The following FBXO31 variants were observed in gnomAD, a reference collection of about 807,000 sequenced individuals.
FBXO31 encodes F-box only protein 31.
In FBXO31, 24 loss-of-function variants were observed where a neutral mutation model predicts 54.4. The ratio of observed to expected loss-of-function variants is 0.44; its 90% CI spans 0.32 to 0.62. The LOEUF (loss-of-function observed/expected upper bound fraction) is 0.62. Among genes scored for constraint, FBXO31 ranks in the 20% least tolerant of loss-of-function variants. FBXO31 has a pLI of 0.05. For synonymous variants in FBXO31, 388 were observed against 335.6 expected (o/e 1.16, Z -1.71); for missense variants, 665 against 787.1 (o/e 0.84, Z 1.86).
upstream of FBXO31, among the ~76,000 whole-genome samples, chr16:87,390,700 A>C (rs1241424801): frequency 6.6e-6 from 1 of 152,040 alleles, no homozygotes; most frequent in Non-Finnish European, 1.5e-5. Flanking sequence ...TTGACCTCCC[A>C]AAGTGCTGGA....
chr16:87,383,513 T>C lies in FBXO31; in HGVS notation c.232A>G (p.Ile78Val). The C allele has an allele frequency of 1.9e-6, 3 of 1,585,112 alleles. No homozygotes were observed. Among genetic ancestry groups the C allele is most frequent in the East Asian group, 2.4e-5 (1 of 41,670 alleles). Residue 78 changes from isoleucine (I) to valine (V), a missense_variant, in exon 1 of 9, where the codon ATC becomes GTC. Transcript: ENST00000311635. This position sits in a 1 kb window ranked among gnomAD's most constrained non-coding sequence, Gnocchi z 4.9. ...TCCGTGCCCGGCAGCGACGCGAAGA[T>C]CTCCACCAGCAGCTCGGGCGGCAGC... ...LELPPELLVE[I>V]FASLPGTDLP...
upstream of FBXO31, among the ~76,000 whole-genome samples, chr16:87,390,785 C>T (rs186310678): frequency 4.3e-3 from 649 of 151,872 alleles, 5 homozygotes; most frequent in African/African-American, 0.015. Context: ...TTGTGGAGGA[C>T]GGGGTCTTGC....
At chr16:87,347,069 C>T (rs953111319) in intron 3 of FBXO31, 105 bp downstream of exon 3, 3 of 1,016,996 alleles carry the variant, frequency 2.9e-6, no homozygotes, top group Admixed American at 3.6e-5. Context: ...CTCAAACGCA[C>T]ATCTGGGCCA....
rs1197811390 is a variant in FBXO31 at position 87,335,428 on chromosome 16, A to G, written c.872T>C (p.Leu291Pro). 1.9e-6 allele frequency: 3 copies of G among 1,613,368 alleles called. No individual in the cohort carries two copies. Among genetic ancestry groups the G allele is most frequent in the Non-Finnish European group, 2.5e-6 (3 of 1,179,880 alleles). ...GAGGTCGTCGGGGCGGCTGGGCGGC[A>G]GGTAGATGCGGCGGTAGGTCAGGCA... ...DNCLTYRRIY[L>P]PPSRPDDLIK... The change falls in exon 7 of 9, where the codon CTG becomes CCG. Residue 291 changes from leucine (L) to proline (P), a missense_variant. By Grantham distance (98) the Leu-to-Pro change is moderately conservative. This residue lies in a region of FBXO31 where 234 missense variants were observed against 346.8 expected (regional missense o/e 0.67). Transcript: ENST00000311635. This position sits in a 1 kb window ranked among gnomAD's most constrained non-coding sequence, Gnocchi z 5.7.
intron 1 of FBXO31, among the ~76,000 whole-genome samples, chr16:87,382,997 C>A (rs1401329734): frequency 1.3e-5 from 2 of 152,160 alleles, no homozygotes; most frequent in African/African-American, 4.8e-5. Context: ...CTCGGCTCGC[C>A]TTCAAGACAG....
Position 87,336,013 on chromosome 16 carries a change from C to T in FBXO31, c.842+142G>A, listed in dbSNP as rs1169163402. 5 of 637,840 alleles carry T rather than the reference C, an allele frequency of 7.8e-6. No homozygotes were observed. The highest frequency in any genetic ancestry group is 1.4e-5 in the Non-Finnish European group (5 of 369,030). 39.5% of individuals were successfully genotyped at this position (637,840 alleles called of 1,614,324 possible). ...CACCCAGAGAGAGAGGGGCTGTACT[C>T]CCAGCCCCCAGCAGGAGAGAGGGCT... On this transcript the variant is annotated intron_variant, in intron 6 of 8. Transcript: ENST00000311635. This position sits in a 1 kb window ranked among gnomAD's most constrained non-coding sequence, Gnocchi z 6.5.
rs551065206 is a variant in FBXO31 at position 87,338,588 on chromosome 16, C to A, written c.733-2324G>T. On this transcript the variant is annotated intron_variant, in intron 5 of 8. Transcript: ENST00000311635. This position sits in a 1 kb window ranked among gnomAD's most constrained non-coding sequence, Gnocchi z 4.3. Reference sequence around the variant, plus strand: ...CGAGCGTCCCATTTCTCACAAGGACCCACGGCTGAGGGAACCCACAACCCT... The same window carrying A: ...CGAGCGTCCCATTTCTCACAAGGACACACGGCTGAGGGAACCCACAACCCT... 1.3e-5 allele frequency among the ~76,000 whole-genome samples: 2 copies of A among 152,196 alleles called. No homozygotes were observed. Among genetic ancestry groups the A allele is most frequent in the African/African-American group, 4.8e-5 (2 of 41,442 alleles).
At position 87,329,792 on chromosome 16, in the gene FBXO31, C is replaced by G. The variant is rs987831982; in HGVS notation, c.*1496G>C. The G allele has an allele frequency of 2.0e-5, 3 of 152,262 alleles. No homozygotes were observed. Among genetic ancestry groups the G allele is most frequent in the African/African-American group, 7.2e-5 (3 of 41,470 alleles). 9.4% of individuals were successfully genotyped at this position (152,262 alleles called of 1,614,324 possible). A position where few individuals can be genotyped will look rare whatever the true frequency, so the allele number is the denominator to read the frequency against. On this transcript the variant is annotated 3_prime_UTR_variant, in exon 9 of 9. Transcript: ENST00000311635. ...GGCCGGCCAGATTACCATTTAGGAA[C>G]CTTTGCCAATTCTCTGACTCTGGGA...
intron 2 of FBXO31, among the ~76,000 whole-genome samples, chr16:87,353,157 G>A (rs1046077962): frequency 6.4e-4 from 98 of 152,288 alleles, no homozygotes; most frequent in Non-Finnish European, 9.8e-4. Context: ...CAGCTTCCGA[G>A]GCTGCTGCCC....
chr16:87,341,285 T>A (rs568525267), intron 5 of FBXO31, among the ~76,000 whole-genome samples: 6 of 152,304 alleles, frequency 3.9e-5, no homozygotes, highest in African/African-American at 1.4e-4. Context: ...AGAAATGTAA[T>A]ATGGTTTTCT....
intron 5 of FBXO31, among the ~76,000 whole-genome samples, chr16:87,342,255 A>G (rs1905217868): frequency 6.6e-6 from 1 of 151,244 alleles, no homozygotes; most frequent in African/African-American, 2.4e-5. Context: ...GGGTCTCACT[A>G]TGTTGCCCAG....
intron 5 of FBXO31, 24 bp downstream of exon 5, chr16:87,342,849 TGAAC>T: frequency 6.3e-7 from 1 of 1,579,448 alleles, no homozygotes; most frequent in Non-Finnish European, 8.6e-7. Flanking sequence ...CCGCACCATA[TGAAC>T]ACAGGGCCGG....
At chr16:87,350,742 G>A (rs892929080) in intron 2 of FBXO31, among the ~76,000 whole-genome samples, 1 of 151,884 alleles carries the variant, frequency 6.6e-6, no homozygotes, top group Non-Finnish European at 1.5e-5. Context: ...ACACTATTCA[G>A]CATTGCACTC....
chr16:87,383,865 G>T, upstream of FBXO31: 2 of 733,928 alleles, frequency 2.7e-6, no homozygotes, highest in Non-Finnish European at 3.5e-6. The surrounding 1 kb of genome is among the most constrained non-coding windows in gnomAD (Gnocchi z 4.9). Flanking sequence ...GCCTAGCCCC[G>T]CCCCTACGTA....
At chr16:87,370,333 G>A (rs1185861115) in intron 1 of FBXO31, among the ~76,000 whole-genome samples, 3 of 152,210 alleles carry the variant, frequency 2.0e-5, no homozygotes, top group Admixed American at 1.3e-4. Flanking sequence ...TTCTGTGCAC[G>A]GCACTGGCAC....
chr16:87,333,865 C>A (rs763982737), intron 8 of FBXO31, 21 bp downstream of exon 8: 1 of 1,574,124 alleles, frequency 6.4e-7, no homozygotes, highest in Non-Finnish European at 8.6e-7. Context: ...CTTCAGGCCC[C>A]AGTACCCGCC....
Position 87,360,329 on chromosome 16 carries a change from G to A in FBXO31, c.378C>T (p.Ile126=). The A allele has an allele frequency of 6.2e-7, 1 of 1,614,190 alleles. No individual in the cohort carries two copies. Among genetic ancestry groups the A allele is most frequent in the Middle Eastern group, 1.6e-4 (1 of 6,062 alleles). ...GVCENLRKLE[I]TGVSCRDVYA... ...AGACGTCCCGACAAGACACGCCTGT[G>A]ATCTCCAGCTTCCGCAAGTTTTCGC... Residue 126 remains isoleucine, a synonymous_variant, in exon 2 of 9, where the codon ATC becomes ATT. Transcript: ENST00000311635.
Position 87,336,088 on chromosome 16 carries a change from G to T in FBXO31, c.842+67C>A, listed in dbSNP as rs926502480. ...AGGACTATGCCCCAGCACCCACCGG[G>T]ACAGGGCTGGTCCCCAGCACACACC... On this transcript the variant is annotated intron_variant, in intron 6 of 8. Coordinates refer to ENST00000311635, the MANE Select transcript of FBXO31 (RefSeq NM_024735.5). This position sits in a 1 kb window ranked among gnomAD's most constrained non-coding sequence, Gnocchi z 6.5. 23 of 1,390,926 alleles carry T rather than the reference G, an allele frequency of 1.7e-5. No individual in the cohort carries two copies. Among genetic ancestry groups the T allele is most frequent in the Middle Eastern group, 2.1e-4 (1 of 4,842 alleles). 86.2% of individuals were successfully genotyped at this position (1,390,926 alleles called of 1,614,324 possible). A position where few individuals can be genotyped will look rare whatever the true frequency, so the allele number is the denominator to read the frequency against.
intron 1 of FBXO31, among the ~76,000 whole-genome samples, chr16:87,365,024 TATATATATATATA>T (rs1906300669): frequency 9.7e-6 from 1 of 102,912 alleles, no homozygotes; most frequent in African/African-American, 3.8e-5. Context: ...TATATATATA[TATATATATATATA>T]TATCAGGCAG....
Sources: gnomAD v4.1 joint callset for allele counts (sites outside exome capture counted in the v4.1 genomes callset) on GRCh38, gnomAD v4.1.1 for gene constraint, gnomAD v4.1.1 regional missense constraint, Gnocchi (gnomAD v3.1) non-coding constraint, MANE v1.5 for transcripts, NCBI Gene and HGNC (gene_info 2026-07-23, HGNC 2026-07-21) for gene names.